SPMIP3: variants seen among roughly 807,000 people sequenced by gnomAD.
The protein encoded by SPMIP3 is protein SPMIP3.
At chr1:244,380,279 C>T in the SPMIP3 span, among the ~76,000 whole-genome samples, 1,205 of 151,974 alleles carry the variant, frequency 7.9e-3, 14 homozygotes, top group South Asian at 0.024. Flanking sequence ...GCCACCATGC[C>T]CAGCTAATTT....
chr1:244,366,166 G>T, the SPMIP3 span, among the ~76,000 whole-genome samples: 46 of 152,246 alleles, frequency 3.0e-4, no homozygotes, highest in East Asian at 2.1e-3. Flanking sequence ...CTCGTGTTTA[G>T]TTTATTTTAT....
the SPMIP3 span, among the ~76,000 whole-genome samples, chr1:244,380,774 T>G: frequency 0.011 from 1,740 of 152,070 alleles, 45 homozygotes; most frequent in African/African-American, 0.039. Context: ...TGGCCTGGGC[T>G]GGGCCCCTGG....
chr1:244,367,173 G>A, the SPMIP3 span, among the ~76,000 whole-genome samples: 1,186 of 152,238 alleles, frequency 7.8e-3, 13 homozygotes, highest in Middle Eastern at 0.041. Context: ...GGCTGGAGCT[G>A]GGAGAAGGTT....
chr1:244,367,139 G>A, the SPMIP3 span, among the ~76,000 whole-genome samples: 56 of 152,260 alleles, frequency 3.7e-4, no homozygotes, highest in African/African-American at 1.3e-3. Context: ...ATTCATGAAA[G>A]AAGCCATGAC....
At chr1:244,362,502 A>G in the SPMIP3 span, among the ~76,000 whole-genome samples, 1 of 152,172 alleles carries the variant, frequency 6.6e-6, no homozygotes, top group African/African-American at 2.4e-5. Context: ...CTGGTACATA[A>G]TCCATGATTG....
the SPMIP3 span, among the ~76,000 whole-genome samples, chr1:244,365,385 A>G: frequency 6.6e-6 from 1 of 152,160 alleles, no homozygotes; most frequent in African/African-American, 2.4e-5. Context: ...CCTGACAGTG[A>G]ATAAGTCTCA....
At chr1:244,377,326 G>A in the SPMIP3 span, among the ~76,000 whole-genome samples, 5 of 151,606 alleles carry the variant, frequency 3.3e-5, no homozygotes, top group East Asian at 1.9e-4. Flanking sequence ...GGGTTTCACC[G>A]TGTTAGCCAG....
the SPMIP3 span, among the ~76,000 whole-genome samples, chr1:244,360,509 T>TACACACACAC: frequency 3.2e-4 from 19 of 59,148 alleles, no homozygotes; most frequent in South Asian, 1.2e-3. Context: ...AAACGTGATA[T>TACACACACAC]ACACACACAC....
the SPMIP3 span, among the ~76,000 whole-genome samples, chr1:244,354,078 A>T: frequency 1.3e-5 from 2 of 152,222 alleles, no homozygotes; most frequent in African/African-American, 4.8e-5. Context: ...AAATGCATCC[A>T]GAAAGTCAAC....
the SPMIP3 span, among the ~76,000 whole-genome samples, chr1:244,385,813 T>G: frequency 1.3e-5 from 2 of 152,134 alleles, no homozygotes; most frequent in Admixed American, 6.6e-5. Flanking sequence ...CTGAGATTAA[T>G]TTCTAAAATC....
chr1:244,385,693 T>C, the SPMIP3 span, among the ~76,000 whole-genome samples: 30 of 152,120 alleles, frequency 2.0e-4, no homozygotes, highest in Non-Finnish European at 4.3e-4. Flanking sequence ...CTGTATGTAC[T>C]ATTACTATGC....
chr1:244,369,052 G>A, the SPMIP3 span, among the ~76,000 whole-genome samples: 1 of 152,160 alleles, frequency 6.6e-6, no homozygotes, highest in African/African-American at 2.4e-5. Flanking sequence ...CCAGCCTCTC[G>A]GGAGGCTGAG....
At chr1:244,365,491 C>T in the SPMIP3 span, among the ~76,000 whole-genome samples, 80 of 152,314 alleles carry the variant, frequency 5.3e-4, 1 homozygote, top group African/African-American at 1.9e-3. Context: ...TTGCCTTCTG[C>T]CATGATTGTG....
chr1:244,372,759 T>G, the SPMIP3 span, among the ~76,000 whole-genome samples: 3 of 152,194 alleles, frequency 2.0e-5, no homozygotes, highest in Non-Finnish European at 4.4e-5. Flanking sequence ...TTTTATGGCA[T>G]CTACTGACTG....
chr1:244,388,712 T>C, the SPMIP3 span, among the ~76,000 whole-genome samples: 4 of 152,254 alleles, frequency 2.6e-5, no homozygotes, highest in African/African-American at 9.6e-5. Context: ...TGCAAATTTA[T>C]GTAATTTATT....
the SPMIP3 span, among the ~76,000 whole-genome samples, chr1:244,362,144 A>T: frequency 2.6e-5 from 4 of 152,182 alleles, no homozygotes; most frequent in Non-Finnish European, 5.9e-5. Flanking sequence ...TGAAAAACAC[A>T]CTCAGGTGAA....
chr1:244,380,268 C>T, the SPMIP3 span, among the ~76,000 whole-genome samples: 8 of 151,578 alleles, frequency 5.3e-5, no homozygotes, highest in African/African-American at 9.7e-5. Flanking sequence ...TACAGGTATG[C>T]GCCACCATGC....
the SPMIP3 span, among the ~76,000 whole-genome samples, chr1:244,361,235 C>CTTTTTTTTTTTTTTTTTTTTTTTTT: frequency 1.3e-4 from 16 of 119,310 alleles, no homozygotes; most frequent in Non-Finnish European, 2.0e-4. Context: ...TTCTTTCTTT[C>CTTTTTTTTTTTTTTTTTTTTTTTTT]TTTTTTTTTT....
At chr1:244,380,117 GTTTTTCTT>G in the SPMIP3 span, among the ~76,000 whole-genome samples, 1 of 132,238 alleles carries the variant, frequency 7.6e-6, no homozygotes, top group East Asian at 2.4e-4. Context: ...CATTCACAGA[GTTTTTCTT>G]TTTTTTTTTT....
Sources: gnomAD v4.1 joint callset for allele counts (sites outside exome capture counted in the v4.1 genomes callset) on GRCh38, gnomAD v4.1.1 for gene constraint, MANE v1.5 for transcripts, NCBI Gene and HGNC (gene_info 2026-07-23, HGNC 2026-07-21) for gene names.